Variants in PTCHD1 observed in about 807,000 individuals in gnomAD.
PTCHD1 encodes the protein patched domain containing 1.
A neutral mutation model predicts 34.6 loss-of-function variants in PTCHD1; 3 were observed. That is an observed-to-expected ratio of 0.09 (90% CI 0.04 to 0.22). PTCHD1 has a LOEUF of 0.22. Ranked by LOEUF, PTCHD1 falls within the 10% of genes least tolerant of loss-of-function variation. The pLI, the probability that PTCHD1 is intolerant of heterozygous loss-of-function variation, is 1.00. For missense variants in PTCHD1, 504 were observed against 685.5 expected (o/e 0.74, Z 2.96); for synonymous variants, 305 against 283.1 (o/e 1.08, Z -0.77).
At chrX:23,363,804 T>A (rs1922059755) in intron 1 of PTCHD1, among the ~76,000 whole-genome samples, 1 of 112,621 alleles carries the variant, frequency 8.9e-6, no homozygotes, top group Non-Finnish European at 1.9e-5. Context: ...TCAAGCTATT[T>A]TTATTATAGA....
chrX:23,374,296 A>C (rs1241413887), intron 1 of PTCHD1, among the ~76,000 whole-genome samples: 3 of 98,771 alleles, frequency 3.0e-5, no homozygotes, highest in Non-Finnish European at 4.1e-5. Context: ...AAAAAAAAAA[A>C]AAAAAAAAAA....
chrX:23,385,710 T>C (rs1922671039), intron 2 of PTCHD1, among the ~76,000 whole-genome samples: 1 of 111,356 alleles, frequency 9.0e-6, no homozygotes, highest in South Asian at 3.8e-4. Context: ...AACCAAAATA[T>C]AGACAGATGG....
At chrX:23,358,639 C>G (rs753679951) in intron 1 of PTCHD1, among the ~76,000 whole-genome samples, 2 of 111,956 alleles carry the variant, frequency 1.8e-5, no homozygotes, top group Non-Finnish European at 3.8e-5. Flanking sequence ...TGTGCAGAAG[C>G]TCTTTAGTTT....
At chrX:23,391,234 G>A (rs1410277717) in intron 2 of PTCHD1, among the ~76,000 whole-genome samples, 2 of 111,696 alleles carry the variant, frequency 1.8e-5, no homozygotes, top group Non-Finnish European at 3.8e-5. Context: ...GCACTAAGCA[G>A]TTACGCAGCG....
rs1020772372 is a variant in PTCHD1, at chrX:23,355,083, T to C, written c.351+19857T>C. Among the ~76,000 whole-genome samples the C allele has an allele frequency of 1.7e-4, 19 of 109,885 alleles. No homozygotes were observed. In the Admixed American group the frequency reaches 1.8e-3, roughly 10 times the overall value. On this transcript the variant is annotated intron_variant, in intron 1 of 2. Coordinates refer to ENST00000379361, the MANE Select transcript of PTCHD1 (RefSeq NM_173495.3). ...CAATTGCTGCGACAGGTATGGAGTG[T>C]GGTTGCTCCTACTCCCCGCCTACTG... is the stretch of plus-strand genomic sequence containing the variant.
rs1003550916 is a variant in PTCHD1, at chrX:23,397,796, C to A, written c.*3611C>A. Reference sequence around the variant, plus strand: ...AATGACAGAGCTCAGCTGTGTCCATCACAAGAAAAGGTGGAATGGGCAGCT... The same window carrying A: ...AATGACAGAGCTCAGCTGTGTCCATAACAAGAAAAGGTGGAATGGGCAGCT... On this transcript the variant is annotated 3_prime_UTR_variant, in exon 3 of 3. Coordinates refer to ENST00000379361, the MANE Select transcript of PTCHD1 (RefSeq NM_173495.3). 9.0e-6 allele frequency: 1 copy of A among 111,279 alleles called. No homozygotes were observed. The highest frequency in any genetic ancestry group is 1.9e-5 in the Non-Finnish European group (1 of 53,125). The allele number at this position is 111,279 out of a possible 1,213,427, so 9.2% of individuals were successfully genotyped here. A position where few individuals can be genotyped will look rare whatever the true frequency, so the allele number is the denominator to read the frequency against.
At chrX:23,359,368 C>G (rs1428115677) in intron 1 of PTCHD1, among the ~76,000 whole-genome samples, 1 of 111,753 alleles carries the variant, frequency 8.9e-6, no homozygotes, top group Non-Finnish European at 1.9e-5. Flanking sequence ...CTTCACATCC[C>G]TTGTAAGTTG....
intron 1 of PTCHD1, among the ~76,000 whole-genome samples, chrX:23,373,045 T>A (rs1165781067): frequency 8.9e-6 from 1 of 112,451 alleles, no homozygotes; most frequent in Non-Finnish European, 1.9e-5. Context: ...GTACTGACTG[T>A]CTTATCCATA....
At chrX:23,376,521 C>G (rs768945645) in intron 1 of PTCHD1, among the ~76,000 whole-genome samples, 3 of 112,060 alleles carry the variant, frequency 2.7e-5, no homozygotes, top group Non-Finnish European at 5.6e-5. Context: ...TCAGGGCACT[C>G]TAAAACTCGG....
At chrX:23,372,749 C>G (rs1039137077) in intron 1 of PTCHD1, among the ~76,000 whole-genome samples, 13 of 112,046 alleles carry the variant, frequency 1.2e-4, no homozygotes, top group African/African-American at 4.2e-4. Flanking sequence ...CTTTAACATT[C>G]TCCTGTTTCT....
At chrX:23,361,939 G>T (rs780064189) in intron 1 of PTCHD1, among the ~76,000 whole-genome samples, 3 of 112,202 alleles carry the variant, frequency 2.7e-5, no homozygotes, top group Non-Finnish European at 3.8e-5. Flanking sequence ...GAAATTCTGG[G>T]TTGGAAATTC....
At chrX:23,356,049 C>CT (rs1921793493) in intron 1 of PTCHD1, among the ~76,000 whole-genome samples, 1 of 111,758 alleles carries the variant, frequency 8.9e-6, no homozygotes, top group Admixed American at 9.5e-5. Context: ...GCTTGTTTTG[C>CT]TTTTTTTCTC....
At chrX:23,343,505 A>G (rs191352916) in intron 1 of PTCHD1, among the ~76,000 whole-genome samples, 68 of 112,283 alleles carry the variant, frequency 6.1e-4, no homozygotes, top group African/African-American at 2.1e-3. Flanking sequence ...ATTCAAATGT[A>G]AATAGGAAAC....
chrX:23,363,366 C>A lies in PTCHD1; in HGVS notation c.352-16225C>A, dbSNP rs1018685984. Among the ~76,000 whole-genome samples, 6 of 112,767 alleles carry A rather than the reference C, an allele frequency of 5.3e-5. No homozygotes were observed. In the East Asian group the frequency reaches 1.7e-3, roughly 32 times the overall value. ...GCTCAAGCCTCAGCAGTGGCGGACG[C>A]CCATCCCCCTGCCAGGCTGCTACCT... is the stretch of plus-strand genomic sequence containing the variant. On this transcript the variant is annotated intron_variant, in intron 1 of 2. Coordinates refer to ENST00000379361, the MANE Select transcript of PTCHD1 (RefSeq NM_173495.3).
chrX:23,391,199 T>C (rs1922820067), intron 2 of PTCHD1, among the ~76,000 whole-genome samples: 1 of 111,753 alleles, frequency 8.9e-6, no homozygotes. Flanking sequence ...TCAGTATTGC[T>C]GAAATACTAA....
chrX:23,339,322 G>A (rs1023849634), intron 1 of PTCHD1, among the ~76,000 whole-genome samples: 7 of 111,901 alleles, frequency 6.3e-5, no homozygotes, highest in South Asian at 3.7e-4. Context: ...ATATCAAAGC[G>A]TATTTCAGTT....
intron 1 of PTCHD1, among the ~76,000 whole-genome samples, chrX:23,364,726 A>G (rs757948829): frequency 1.1e-4 from 12 of 112,507 alleles, no homozygotes; most frequent in African/African-American, 3.9e-4. Context: ...AACAGCAGAA[A>G]TCCAGAAATG....
In PTCHD1 at chrX:23,399,979, A is replaced by G. The variant is rs1476067346; in HGVS notation, c.*5794A>G. ...AGCAGCCTATTTCCAGGTTATATAC[A>G]GTGATATGCTGTTTACAACTGCATA... On this transcript the variant is annotated 3_prime_UTR_variant, in exon 3 of 3. Transcript: ENST00000379361. 8.9e-6 allele frequency: 1 copy of G among 112,172 alleles called. No individual in the cohort carries two copies. Among genetic ancestry groups the G allele is most frequent in the Non-Finnish European group, 1.9e-5 (1 of 53,266 alleles). The allele number at this position is 112,172 out of a possible 1,213,427, so 9.2% of individuals were successfully genotyped here. A position where few individuals can be genotyped will look rare whatever the true frequency, so the allele number is the denominator to read the frequency against.
intron 1 of PTCHD1, among the ~76,000 whole-genome samples, chrX:23,351,978 A>G (rs1031514840): frequency 8.9e-6 from 1 of 112,042 alleles, no homozygotes; most frequent in Admixed American, 9.5e-5. Context: ...TGGAAGAGAC[A>G]TGAAAATATT....
Sources: gnomAD v4.1 joint callset for allele counts (sites outside exome capture counted in the v4.1 genomes callset) on GRCh38, gnomAD v4.1.1 for gene constraint, MANE v1.5 for transcripts, NCBI Gene and HGNC (gene_info 2026-07-23, HGNC 2026-07-21) for gene names.